Variants in SUGCT observed in about 807,000 individuals in gnomAD.
SUGCT encodes the protein succinyl-CoA:glutarate CoA-transferase.
In SUGCT, 41 loss-of-function variants were observed where a neutral mutation model predicts 55.0. The ratio of observed to expected loss-of-function variants is 0.74; its 90% confidence interval spans 0.58 to 0.97. SUGCT has a LOEUF of 0.97. Ranked by LOEUF, SUGCT falls within the 50% of genes least tolerant of loss-of-function variation. The pLI, the probability that SUGCT is intolerant of heterozygous loss-of-function variation, is 0.00. For synonymous variants in SUGCT, 187 were observed against 200.4 expected, an observed-to-expected ratio of 0.93 and a Z score of 0.56; for missense variants, 568 against 547.8, an observed-to-expected ratio of 1.04 and a Z score of -0.37.
intron 8 of SUGCT, among the ~76,000 whole-genome samples, chr7:40,312,994 G>A (rs899482107): frequency 6.6e-6 from 1 of 152,194 alleles, no homozygotes; most frequent in African/African-American, 2.4e-5. Flanking sequence ...TGTGGTGACA[G>A]ACACCATGTG....
intron 12 of SUGCT, among the ~76,000 whole-genome samples, chr7:40,573,036 A>G (rs183293631): frequency 8.5e-5 from 13 of 152,274 alleles, no homozygotes; most frequent in Admixed American, 2.0e-4. Flanking sequence ...TCTAAACACA[A>G]ATGTTCACTT....
chr7:40,584,549 C>T (rs1202375071), intron 12 of SUGCT, among the ~76,000 whole-genome samples: 1 of 152,140 alleles, frequency 6.6e-6, no homozygotes. Context: ...GCATAGTGAT[C>T]TACAGATTGC....
At chr7:40,294,258 A>T (rs911797045) in intron 8 of SUGCT, among the ~76,000 whole-genome samples, 3 of 151,864 alleles carry the variant, frequency 2.0e-5, no homozygotes, top group African/African-American at 2.4e-5. Flanking sequence ...CCTAGACAGA[A>T]CTTTAAGGCT....
chr7:40,237,457 G>A (rs557608174), intron 6 of SUGCT, among the ~76,000 whole-genome samples, 178 bp from the exon 7 acceptor site: 2 of 152,064 alleles, frequency 1.3e-5, no homozygotes, highest in South Asian at 4.2e-4. Context: ...AAAAAAATGA[G>A]TAGCCGGGGT....
intron 5 of SUGCT, among the ~76,000 whole-genome samples, chr7:40,192,635 T>TTC (rs1342394256): frequency 5.3e-5 from 8 of 150,094 alleles, no homozygotes; most frequent in South Asian, 2.1e-4. Flanking sequence ...TCTTTCTTTT[T>TTC]TTTTTTTTTT....
chr7:40,361,893 A>G (rs531993011), intron 9 of SUGCT, among the ~76,000 whole-genome samples: 1 of 151,898 alleles, frequency 6.6e-6, no homozygotes, highest in Non-Finnish European at 1.5e-5. Context: ...GATGCCTGAG[A>G]CCCATCGCCA....
intron 12 of SUGCT, among the ~76,000 whole-genome samples, chr7:40,715,547 C>A (rs1203728): frequency 6.6e-6 from 1 of 151,878 alleles, no homozygotes; most frequent in South Asian, 2.1e-4. Flanking sequence ...CCTTTGCCCC[C>A]CCTCATGTGT....
At chr7:40,669,068 A>C (rs1801797085) in intron 12 of SUGCT, among the ~76,000 whole-genome samples, 1 of 152,182 alleles carries the variant, frequency 6.6e-6, no homozygotes, top group Admixed American at 6.5e-5. Context: ...TGTCGGTGCC[A>C]CATGAGGAAT....
intron 12 of SUGCT, among the ~76,000 whole-genome samples, chr7:40,700,900 G>A (rs374623082): frequency 6.6e-6 from 1 of 152,258 alleles, no homozygotes; most frequent in East Asian, 1.9e-4. Flanking sequence ...AAGAGCCACC[G>A]CAGAACCAAA....
In SUGCT at chr7:40,418,832, C is replaced by G. The variant is rs117626265; in HGVS notation, c.817-30455C>G. On this transcript the variant is annotated intron_variant, in intron 9 of 13. Coordinates refer to ENST00000335693, the MANE Select transcript of SUGCT (RefSeq NM_001193313.2). ...AAATGACATTTTTCCTCTGCCCTGTCAGTGTTGGGCAGCTTAATTCTAGGA... is the reference window on the plus strand; with the variant it reads ...AAATGACATTTTTCCTCTGCCCTGTGAGTGTTGGGCAGCTTAATTCTAGGA... Among the ~76,000 whole-genome samples, 21 of 152,198 alleles carry G rather than the reference C, an allele frequency of 1.4e-4. No individual in the cohort carries two copies. In the East Asian group the frequency reaches 3.9e-3, roughly 28 times the overall value.
intron 12 of SUGCT, among the ~76,000 whole-genome samples, chr7:40,718,678 T>A (rs556997067): frequency 5.6e-4 from 85 of 152,276 alleles, no homozygotes; most frequent in Middle Eastern, 6.8e-3. Context: ...AGTTTGGAGA[T>A]TTAGGTGTAT....
At chr7:40,202,619 G>A (rs1206391067) in intron 6 of SUGCT, among the ~76,000 whole-genome samples, 1 of 152,166 alleles carries the variant, frequency 6.6e-6, no homozygotes, top group Non-Finnish European at 1.5e-5. Flanking sequence ...ATAAGGGTAT[G>A]ACTTGACTGG....
At chr7:40,998,675 T>C in the SUGCT span, among the ~76,000 whole-genome samples, 1 of 152,196 alleles carries the variant, frequency 6.6e-6, no homozygotes, top group Non-Finnish European at 1.5e-5. Flanking sequence ...AGAGTATTGG[T>C]GTCTTCTAGA....
intron 7 of SUGCT, among the ~76,000 whole-genome samples, chr7:40,268,618 T>C (rs1414667929): frequency 2.0e-5 from 3 of 152,190 alleles, no homozygotes; most frequent in Admixed American, 2.0e-4. Flanking sequence ...TCTAAGCTTT[T>C]TGTGAGGACA....
the SUGCT span, among the ~76,000 whole-genome samples, chr7:40,982,534 T>C: frequency 2.0e-5 from 3 of 152,292 alleles, no homozygotes; most frequent in South Asian, 4.1e-4. Context: ...TTCTGGAGGC[T>C]AGGAAGTCCA....
chr7:40,238,748 G>C (rs1789170076), intron 7 of SUGCT, among the ~76,000 whole-genome samples: 1 of 150,950 alleles, frequency 6.6e-6, no homozygotes, highest in South Asian at 2.1e-4. Context: ...TTAATTTCTG[G>C]AAATACAAAG....
In SUGCT at chr7:40,778,580, AG is replaced by A. The variant is rs1789577830; in HGVS notation, c.1153+29085del. ...CCCCACGTCACCCAGTGGTGAGGTG[AG>A]GCTACAAAGAAAGGAACCCTGGCAT... On this transcript the variant is annotated intron_variant, in intron 13 of 13. Transcript: ENST00000335693. Among the ~76,000 whole-genome samples, 4 of 152,324 alleles carry A rather than the reference AG, an allele frequency of 2.6e-5. No homozygotes were observed. In the South Asian group the frequency reaches 8.3e-4, roughly 32 times the overall value.
intron 12 of SUGCT, among the ~76,000 whole-genome samples, chr7:40,646,413 C>T (rs1800515372): frequency 6.6e-6 from 1 of 152,112 alleles, no homozygotes; most frequent in Non-Finnish European, 1.5e-5. Flanking sequence ...CCCATCAATG[C>T]CTTCTCAGTG....
At chr7:40,496,206 C>T (rs1791962758) in intron 11 of SUGCT, 78 bp from the exon 12 acceptor site, 1 of 864,648 alleles carries the variant, frequency 1.2e-6, no homozygotes, top group Non-Finnish European at 1.9e-6. Context: ...TGCTTGCTTT[C>T]AAAGAGGGCC....
Sources: gnomAD v4.1 joint callset for allele counts (sites outside exome capture counted in the v4.1 genomes callset) on GRCh38, gnomAD v4.1.1 for gene constraint, MANE v1.5 for transcripts, NCBI Gene and HGNC (gene_info 2026-07-23, HGNC 2026-07-21) for gene names.